Variants in CPA6 observed in about 807,000 individuals in gnomAD.
The protein encoded by CPA6 is carboxypeptidase A6, also known as carboxypeptidase B.
A neutral mutation model predicts 63.3 loss-of-function variants in CPA6; 58 were observed. The observed-to-expected ratio is 0.92, with a 90% CI of 0.74 to 1.14. The LOEUF is 1.14. Ranked by LOEUF, CPA6 falls within the 50% of genes most tolerant of loss-of-function variation. CPA6 has a pLI of 0.00. For missense variants in CPA6, 565 were observed against 526.6 expected (o/e 1.07, Z -0.71); for synonymous variants, 185 against 179.0 (o/e 1.03, Z -0.27).
chr8:67,667,050 C>T (rs1816247047), intron 1 of CPA6, among the ~76,000 whole-genome samples: 1 of 152,138 alleles, frequency 6.6e-6, no homozygotes, highest in Non-Finnish European at 1.5e-5. Flanking sequence ...ACCTGGCCCA[C>T]AGATGTTCAA....
intron 1 of CPA6, among the ~76,000 whole-genome samples, chr8:67,662,995 G>A (rs1816150595): frequency 1.3e-5 from 2 of 152,128 alleles, no homozygotes; most frequent in Non-Finnish European, 2.9e-5. Context: ...TAAGAAACAG[G>A]CAAGTGAGGC....
chr8:67,693,542 T>C (rs965312867), intron 1 of CPA6, among the ~76,000 whole-genome samples: 17 of 152,320 alleles, frequency 1.1e-4, no homozygotes, highest in Admixed American at 1.1e-3. Flanking sequence ...GTGATGGTAT[T>C]AGGAAATGGG....
At chr8:67,424,591 T>C (rs1372289752) in intron 10 of CPA6, among the ~76,000 whole-genome samples, 2 of 152,220 alleles carry the variant, frequency 1.3e-5, no homozygotes, top group African/African-American at 4.8e-5. Context: ...CAAGGACCCC[T>C]TTCCTATAGC....
intron 1 of CPA6, among the ~76,000 whole-genome samples, chr8:67,700,398 C>T (rs1470574681): frequency 6.6e-6 from 1 of 152,202 alleles, no homozygotes; most frequent in Non-Finnish European, 1.5e-5. Context: ...TAAATCAATA[C>T]AGCCATTTTC....
At chr8:67,611,390 C>T (rs570472269) in intron 2 of CPA6, among the ~76,000 whole-genome samples, 7 of 152,206 alleles carry the variant, frequency 4.6e-5, no homozygotes, top group Middle Eastern at 3.4e-3. Flanking sequence ...CGCCCATCCT[C>T]GCCTTTTCAC....
At chr8:67,586,626 G>A (rs531882948) in intron 2 of CPA6, among the ~76,000 whole-genome samples, 13 of 152,208 alleles carry the variant, frequency 8.5e-5, no homozygotes, top group South Asian at 2.1e-4. Flanking sequence ...AATATAATTC[G>A]TTCTGTGGCT....
intron 1 of CPA6, among the ~76,000 whole-genome samples, chr8:67,684,966 T>C (rs958506415): frequency 8.5e-5 from 13 of 152,166 alleles, no homozygotes; most frequent in Admixed American, 4.6e-4. Context: ...CCTGCCCTGC[T>C]CCTTGGCTAT....
At chr8:67,610,185 G>A (rs1203860092) in intron 2 of CPA6, among the ~76,000 whole-genome samples, 1 of 151,994 alleles carries the variant, frequency 6.6e-6, no homozygotes, top group Non-Finnish European at 1.5e-5. Flanking sequence ...GACCAACCTG[G>A]GCAACATGGA....
intron 2 of CPA6, among the ~76,000 whole-genome samples, chr8:67,552,774 CAAAAAAA>C (rs762395117): frequency 1.2e-3 from 26 of 20,932 alleles, no homozygotes; most frequent in Admixed American, 4.4e-3. Context: ...AAGACTGTCT[CAAAAAAA>C]AAAAAAAAAA....
In CPA6 at chr8:67,427,890, G is replaced by A. The variant is rs72654983; in HGVS notation, c.1126+157C>T. On this transcript the variant is annotated intron_variant, in intron 10 of 10. Coordinates refer to ENST00000297770, the MANE Select transcript of CPA6 (RefSeq NM_020361.5). ...TGATTTCTGTCAAGCTGTGTAAAAC[G>A]AATCAGATATAAACTCCTTCTATTT... 1.9e-4 allele frequency among the ~76,000 whole-genome samples: 29 copies of A among 152,264 alleles called. No individual in the cohort carries two copies. The East Asian group carries it at 5.6e-3, about 29-fold the overall frequency.
chr8:67,594,196 A>C (rs999731460), intron 2 of CPA6, among the ~76,000 whole-genome samples: 1 of 152,198 alleles, frequency 6.6e-6, no homozygotes, highest in African/African-American at 2.4e-5. Flanking sequence ...TTCTTTAAGA[A>C]TGTTGAAGAT....
Position 67,719,440 on chromosome 8 carries a change from A to G in CPA6, c.116+26574T>C, listed in dbSNP as rs1216941728. On this transcript the variant is annotated intron_variant, in intron 1 of 10. Transcript: ENST00000297770. The stretch of plus-strand genomic sequence containing the variant: ...GAACAGAATTTATTTCGGGGAAAAA[A>G]AAATTAAAGGGGAAAGGCAAGGGCT... Among the ~76,000 whole-genome samples, 4 of 152,120 alleles carry G rather than the reference A, an allele frequency of 2.6e-5. No individual in the cohort carries two copies. In the South Asian group the frequency reaches 6.2e-4, roughly 24 times the overall value.
rs867846183 is a variant in CPA6 at position 67,710,411 on chromosome 8, C to G, written c.116+35603G>C. On this transcript the variant is annotated intron_variant, in intron 1 of 10. Transcript: ENST00000297770. ...GCAAATTTCCCGCCCCCACCCCCCC[C>G]CAACCCCCCACCCCGAAAGATGGCT... 1.6e-4 allele frequency among the ~76,000 whole-genome samples: 24 copies of G among 148,838 alleles called. No individual in the cohort carries two copies. The East Asian group carries it at 4.0e-3, about 25-fold the overall frequency.
At chr8:67,432,926 T>C (rs1328141847) in intron 9 of CPA6, among the ~76,000 whole-genome samples, 2 of 152,192 alleles carry the variant, frequency 1.3e-5, no homozygotes, top group Non-Finnish European at 2.9e-5. Flanking sequence ...CCCTACTTGC[T>C]ACTGGTGTCT....
rs1816209884 is a variant in CPA6, at chr8:67,665,619, C to T, written c.117-41368G>A. Among the ~76,000 whole-genome samples, 3 of 152,174 alleles carry T rather than the reference C, an allele frequency of 2.0e-5. No homozygotes were observed. In the South Asian group the frequency reaches 6.2e-4, roughly 32 times the overall value. On this transcript the variant is annotated intron_variant, in intron 1 of 10. Coordinates refer to ENST00000297770, the MANE Select transcript of CPA6 (RefSeq NM_020361.5). ...ATCTTCTTGCTTCTTTCTAGACTCC[C>T]ACATGTATGGCATTTTTCTTTTTAT...
At chr8:67,586,440 C>T (rs954445220) in intron 2 of CPA6, among the ~76,000 whole-genome samples, 1 of 152,112 alleles carries the variant, frequency 6.6e-6, no homozygotes, top group African/African-American at 2.4e-5. Context: ...ATTATTACTA[C>T]TATGTTTAGT....
chr8:67,513,893 G>T (rs915853765), intron 3 of CPA6, among the ~76,000 whole-genome samples: 1 of 152,104 alleles, frequency 6.6e-6, no homozygotes, highest in African/African-American at 2.4e-5. Flanking sequence ...CTTTCTGAGT[G>T]ATGCCATTAC....
At chr8:67,733,207 A>T (rs1563412900) in intron 1 of CPA6, among the ~76,000 whole-genome samples, 10 of 136,338 alleles carry the variant, frequency 7.3e-5, no homozygotes, top group African/African-American at 2.4e-4. Context: ...AAAAAAAAAA[A>T]AAAAAAAAAA....
intron 2 of CPA6, among the ~76,000 whole-genome samples, chr8:67,541,632 T>A (rs1295373727): frequency 6.6e-6 from 1 of 152,060 alleles, no homozygotes; most frequent in Non-Finnish European, 1.5e-5. Context: ...GAGATGTGAG[T>A]CTTGCCGAAG....
Sources: gnomAD v4.1 joint callset for allele counts (sites outside exome capture counted in the v4.1 genomes callset) on GRCh38, gnomAD v4.1.1 for gene constraint, MANE v1.5 for transcripts, NCBI Gene and HGNC (gene_info 2026-07-23, HGNC 2026-07-21) for gene names.